The following RASSF3 variants were observed in gnomAD, a reference collection of about 807,000 sequenced individuals.
RASSF3 encodes the protein ras association domain-containing protein 3.
RASSF3 carries 19 observed loss-of-function variants against 19.9 expected under a neutral mutation model. The observed-to-expected ratio is 0.96, with a 90% CI of 0.67 to 1.40. The LOEUF (loss-of-function observed/expected upper bound fraction) is 1.40, where lower values mean the gene tolerates loss of function less well. RASSF3 is among the 40% of genes most tolerant of loss of function. The pLI, the probability that RASSF3 is intolerant of heterozygous loss-of-function variation, is 0.00. For missense variants in RASSF3, 306 were observed against 289.8 expected (o/e 1.06, Z -0.41); for synonymous variants, 110 against 104.2 (o/e 1.06, Z -0.34).
intron 1 of RASSF3, among the ~76,000 whole-genome samples, chr12:64,627,607 T>A (rs1871038713): frequency 1.3e-5 from 2 of 152,312 alleles, no homozygotes; most frequent in South Asian, 4.1e-4. Context: ...CTGGTTTTCA[T>A]CTGATCAGAC....
At position 64,653,072 on chromosome 12, in the gene RASSF3, T is replaced by C. The variant is rs182732675; in HGVS notation, c.112-31715T>C. 1.9e-3 allele frequency among the ~76,000 whole-genome samples: 285 copies of C among 152,264 alleles called. 2 individuals are homozygous for C. In the Middle Eastern group the frequency reaches 0.027, roughly 15 times the overall value. On this transcript the variant is annotated intron_variant, in intron 1 of 4. Transcript: ENST00000542104. ...TCTCTGTACATGTCTGTGTCCGAAT[T>C]TCCCCTTCTCTTTTGAGATAGGGTC...
chr12:64,584,061 A>G (rs1430378765), intron 2 of RASSF3, among the ~76,000 whole-genome samples: 2 of 152,198 alleles, frequency 1.3e-5, no homozygotes, highest in African/African-American at 4.8e-5. Context: ...CCTGTGCGGT[A>G]ATCCAAACCA....
chr12:64,649,838 C>T lies in RASSF3; in HGVS notation c.112-34949C>T, dbSNP rs1351936336. On this transcript the variant is annotated intron_variant, in intron 1 of 4. Coordinates refer to ENST00000542104, the MANE Select transcript of RASSF3 (RefSeq NM_178169.4). ...CCCTGAATAGCTTTCACAGTGTGGG[C>T]CTTGCAGGGAGCACAAGGCCAGCCC... Among the ~76,000 whole-genome samples, 5 of 152,194 alleles carry T rather than the reference C, an allele frequency of 3.3e-5. No homozygotes were observed. In the East Asian group the frequency reaches 9.6e-4, roughly 29 times the overall value.
intron 2 of RASSF3, among the ~76,000 whole-genome samples, chr12:64,685,342 T>C (rs1873306769): frequency 6.6e-6 from 1 of 152,132 alleles, no homozygotes; most frequent in Non-Finnish European, 1.5e-5. Context: ...ACCTCCGGGC[T>C]CAAGTAATCC....
intron 1 of RASSF3, among the ~76,000 whole-genome samples, chr12:64,526,446 C>G (rs889854471): frequency 2.0e-5 from 3 of 152,216 alleles, no homozygotes; most frequent in Non-Finnish European, 4.4e-5. Context: ...GTCCTTTGAC[C>G]AATATCTCCC....
At chr12:64,570,146 CTA>C (rs1268833787) in intron 2 of RASSF3, among the ~76,000 whole-genome samples, 1 of 152,130 alleles carries the variant, frequency 6.6e-6, no homozygotes, top group Non-Finnish European at 1.5e-5. Context: ...AGACTTTGGC[CTA>C]TAAAGTTCAC....
intron 2 of RASSF3, among the ~76,000 whole-genome samples, chr12:64,587,532 T>C (rs900476086): frequency 6.6e-6 from 1 of 152,190 alleles, no homozygotes; most frequent in Non-Finnish European, 1.5e-5. Flanking sequence ...GAATGTAAAA[T>C]ACATCATTTA....
intron 3 of RASSF3, among the ~76,000 whole-genome samples, chr12:64,690,010 C>T (rs1476186964): frequency 1.3e-5 from 2 of 151,672 alleles, no homozygotes; most frequent in Middle Eastern, 3.4e-3. Context: ...AGGATGGTCT[C>T]GATCTCCTGA....
At chr12:64,535,413 G>T (rs192314210) in intron 1 of RASSF3, among the ~76,000 whole-genome samples, 32 of 152,146 alleles carry the variant, frequency 2.1e-4, no homozygotes, top group Admixed American at 2.0e-3. Context: ...TGCCCAGGCT[G>T]GAGTGCAGTG....
intron 2 of RASSF3, among the ~76,000 whole-genome samples, chr12:64,601,153 G>T (rs1870084945): frequency 6.6e-6 from 1 of 151,966 alleles, no homozygotes; most frequent in South Asian, 2.1e-4. Flanking sequence ...GCTGGGCATG[G>T]TGACACACGC....
intron 1 of RASSF3, among the ~76,000 whole-genome samples, chr12:64,677,222 G>T (rs1872940669): frequency 6.6e-6 from 1 of 152,062 alleles, no homozygotes; most frequent in Non-Finnish European, 1.5e-5. Context: ...CATTTCCAGG[G>T]CTCAGAAGCC....
intron 1 of RASSF3, among the ~76,000 whole-genome samples, chr12:64,516,560 A>G (rs1337371902): frequency 1.3e-5 from 2 of 148,538 alleles, no homozygotes; most frequent in African/African-American, 2.5e-5. Flanking sequence ...CGGAGCTTGC[A>G]GTGAGCCGAG....
chr12:64,641,421 C>CGCGCGCGCGT (rs1871524288), intron 1 of RASSF3, among the ~76,000 whole-genome samples: 1 of 151,586 alleles, frequency 6.6e-6, no homozygotes, highest in African/African-American at 2.4e-5. Flanking sequence ...CACACGCGCG[C>CGCGCGCGCGT]GCGCGCGTTG....
In RASSF3 at chr12:64,610,548, A is replaced by C; in HGVS notation, c.-85A>C. ...GACTGCCCGGGGCTGCGCGCCGGGA[A>C]CCTCGCGGGGCTGGCGGGCGCCGCA... On this transcript the variant is annotated 5_prime_UTR_variant, in exon 1 of 5. Coordinates refer to ENST00000542104, the MANE Select transcript of RASSF3 (RefSeq NM_178169.4). 3 of 557,600 alleles carry C rather than the reference A, an allele frequency of 5.4e-6. No homozygotes were observed. The highest frequency in any genetic ancestry group is 5.3e-6 in the Non-Finnish European group (2 of 380,268). The allele number at this position is 557,600 out of a possible 1,614,324, so 34.5% of individuals were successfully genotyped here. A position where few individuals can be genotyped will look rare whatever the true frequency, so the allele number is the denominator to read the frequency against.
intron 2 of RASSF3, among the ~76,000 whole-genome samples, chr12:64,587,221 A>C (rs1045513402): frequency 1.3e-5 from 2 of 151,350 alleles, no homozygotes; most frequent in Non-Finnish European, 2.9e-5. Flanking sequence ...TGCCCGGCTA[A>C]TTTTTGTATT....
chr12:64,675,622 C>A (rs1872869205), intron 1 of RASSF3, among the ~76,000 whole-genome samples: 1 of 152,172 alleles, frequency 6.6e-6, no homozygotes, highest in African/African-American at 2.4e-5. Context: ...CCCCGCTGTT[C>A]TGCAAAGCTG....
At chr12:64,616,984 T>C (rs1022272882) in intron 1 of RASSF3, among the ~76,000 whole-genome samples, 29 of 152,244 alleles carry the variant, frequency 1.9e-4, no homozygotes, top group African/African-American at 6.8e-4. Context: ...TTTATCATTA[T>C]ATTTTGTTTA....
chr12:64,598,534 T>C (rs77858391), intron 2 of RASSF3, among the ~76,000 whole-genome samples: 5,050 of 152,282 alleles, frequency 0.033, 277 homozygotes, highest in African/African-American at 0.12. Flanking sequence ...TGCTGAATTA[T>C]ATCCATCAGC....
At chr12:64,512,148 C>T (rs1031239177) in intron 1 of RASSF3, among the ~76,000 whole-genome samples, 9 of 152,136 alleles carry the variant, frequency 5.9e-5, no homozygotes, top group African/African-American at 2.2e-4. Context: ...GAGAGAGAAC[C>T]ATCATGGAAG....
Sources: gnomAD v4.1 joint callset for allele counts (sites outside exome capture counted in the v4.1 genomes callset) on GRCh38, gnomAD v4.1.1 for gene constraint, MANE v1.5 for transcripts, NCBI Gene and HGNC (gene_info 2026-07-23, HGNC 2026-07-21) for gene names.